Variants in PHF21B observed in about 807,000 individuals in gnomAD.
PHF21B encodes PHD finger protein 4.
In PHF21B, 22 loss-of-function variants were observed where a neutral mutation model predicts 62.2. That is an observed-to-expected ratio of 0.35 (90% confidence interval 0.25 to 0.51). The LOEUF is 0.51. PHF21B is among the 20% of genes least tolerant of loss of function. PHF21B has a pLI of 0.97. For missense variants in PHF21B, 701 were observed against 707.9 expected, an observed-to-expected ratio of 0.99 and a Z score of 0.11; for synonymous variants, 341 against 314.7, an observed-to-expected ratio of 1.08 and a Z score of -0.88.
intron 7 of PHF21B, among the ~76,000 whole-genome samples, chr22:44,892,844 G>A (rs572663657): frequency 6.5e-4 from 99 of 152,314 alleles, no homozygotes; most frequent in African/African-American, 2.4e-3. Context: ...GTTTCTCCCT[G>A]GGGACATGCT....
chr22:44,994,836 T>C (rs2073094438), intron 2 of PHF21B, among the ~76,000 whole-genome samples: 1 of 152,166 alleles, frequency 6.6e-6, no homozygotes, highest in Non-Finnish European at 1.5e-5. Flanking sequence ...GTATCCAAAT[T>C]AGTGTCATTA....
At chr22:45,007,683 CG>C in intron 2 of PHF21B, among the ~76,000 whole-genome samples, 1 of 94,644 alleles carries the variant, frequency 1.1e-5, no homozygotes, top group Non-Finnish European at 2.2e-5. Context: ...CGGGGCTGCG[CG>C]GGGAAGGGGC....
At chr22:44,971,666 C>G (rs2072641044) in intron 2 of PHF21B, among the ~76,000 whole-genome samples, 2 of 152,218 alleles carry the variant, frequency 1.3e-5, no homozygotes, top group African/African-American at 2.4e-5. Context: ...TCCCAGAAAA[C>G]TTAGCCCTCC....
chr22:44,970,507 G>A (rs2072617223), intron 2 of PHF21B, among the ~76,000 whole-genome samples: 1 of 152,146 alleles, frequency 6.6e-6, no homozygotes, highest in South Asian at 2.1e-4. Flanking sequence ...GGCTCCCCAG[G>A]GTCTCCCCTT....
intron 2 of PHF21B, among the ~76,000 whole-genome samples, chr22:44,974,987 G>C (rs980045087): frequency 6.6e-6 from 1 of 152,184 alleles, no homozygotes; most frequent in African/African-American, 2.4e-5. Context: ...ATTCAAAGCT[G>C]AAAGAATCCT....
At chr22:44,923,331 CAAA>C (rs34100382) in intron 2 of PHF21B, among the ~76,000 whole-genome samples, 14 of 125,102 alleles carry the variant, frequency 1.1e-4, no homozygotes, top group African/African-American at 1.7e-4. Context: ...CATACCATAT[CAAA>C]AAAAAAAAAA....
chr22:44,931,395 G>A (rs1016771153), intron 2 of PHF21B, among the ~76,000 whole-genome samples: 1 of 152,120 alleles, frequency 6.6e-6, no homozygotes, highest in Admixed American at 6.5e-5. Context: ...AAGCCAGGCC[G>A]GCCGAGGCAG....
At chr22:45,005,780 A>G (rs910947670) in intron 2 of PHF21B, among the ~76,000 whole-genome samples, 1 of 150,202 alleles carries the variant, frequency 6.7e-6, no homozygotes, top group African/African-American at 2.4e-5. Context: ...ACATCTCTGG[A>G]GGTGGAGATG....
chr22:44,905,584 T>C lies in PHF21B; in HGVS notation c.831+8238A>G, dbSNP rs577608973. Reference sequence around the variant, plus strand: ...CCTTGGCATGAGATCTCGCATATGTTAGAATTCTGTCGAGACTTACCTGGG... The same window carrying C: ...CCTTGGCATGAGATCTCGCATATGTCAGAATTCTGTCGAGACTTACCTGGG... On this transcript the variant is annotated intron_variant, in intron 5 of 12. Coordinates refer to ENST00000313237, the MANE Select transcript of PHF21B (RefSeq NM_138415.5). Among the ~76,000 whole-genome samples the C allele has an allele frequency of 5.9e-5, 9 of 152,334 alleles. No homozygotes were observed. In the South Asian group the frequency reaches 8.3e-4, roughly 14 times the overall value.
intron 2 of PHF21B, among the ~76,000 whole-genome samples, chr22:44,931,543 A>G (rs926739656): frequency 1.5e-4 from 23 of 150,462 alleles, no homozygotes; most frequent in African/African-American, 5.4e-4. Context: ...GTTGCAGAGC[A>G]GTTTGTTTAA....
chr22:44,891,499 G>C (rs1029300122), intron 7 of PHF21B, 139 bp from the exon 8 acceptor site: 7 of 980,302 alleles, frequency 7.1e-6, no homozygotes, highest in Non-Finnish European at 9.4e-6. Flanking sequence ...CCCCCTGCCA[G>C]GGGCAGAAAT....
At chr22:44,981,395 G>T (rs762071068) in intron 2 of PHF21B, among the ~76,000 whole-genome samples, 7 of 152,190 alleles carry the variant, frequency 4.6e-5, no homozygotes, top group African/African-American at 7.2e-5. Flanking sequence ...TCACCAAGTT[G>T]GAGTTTACTG....
intron 12 of PHF21B, among the ~76,000 whole-genome samples, chr22:44,884,739 ACT>A (rs67201172): frequency 0.3 from 45,494 of 150,344 alleles, 8,389 homozygotes; most frequent in Non-Finnish European, 0.41. Context: ...CACCACCATC[ACT>A]GTGATCAGCA....
At chr22:44,951,039 G>T (rs973540107) in intron 2 of PHF21B, among the ~76,000 whole-genome samples, 1 of 152,072 alleles carries the variant, frequency 6.6e-6, no homozygotes, top group Admixed American at 6.6e-5. Context: ...CAGACGCAGC[G>T]GTACAACTGA....
At chr22:44,962,200 T>C (rs2072437886) in intron 2 of PHF21B, among the ~76,000 whole-genome samples, 1 of 152,224 alleles carries the variant, frequency 6.6e-6, no homozygotes, top group Non-Finnish European at 1.5e-5. Flanking sequence ...CTGCCTTCCA[T>C]GGTGGCTGAA....
intron 2 of PHF21B, among the ~76,000 whole-genome samples, chr22:44,999,811 G>A (rs563938008): frequency 9.2e-5 from 14 of 152,100 alleles, no homozygotes; most frequent in African/African-American, 2.7e-4. Flanking sequence ...TCTCTGGGCC[G>A]AGCCAGTCCA....
chr22:44,925,940 C>T (rs768169387), intron 2 of PHF21B, among the ~76,000 whole-genome samples: 1 of 108,496 alleles, frequency 9.2e-6, no homozygotes, highest in African/African-American at 3.0e-5. Context: ...ACTGTGGGGG[C>T]GGGAGGCAAG....
chr22:44,989,343 G>C (rs1271606383), intron 2 of PHF21B: 2 of 152,132 alleles, frequency 1.3e-5, no homozygotes, highest in African/African-American at 2.4e-5. Context: ...GAAAACGCTG[G>C]ATTTTATTTG....
chr22:44,887,999 G>A lies in PHF21B; in HGVS notation c.1161C>T (p.Pro387=). The A allele has an allele frequency of 6.4e-7, 1 of 1,570,972 alleles. No individual in the cohort carries two copies. Among genetic ancestry groups the A allele is most frequent in the Non-Finnish European group, 8.6e-7 (1 of 1,159,216 alleles). The part of the protein sequence containing the change: ...SCLEPPLKTA[P]KGVWVCPRCQ... ...ACCTGGGGCACACCCACACGCCCTTGGGCGCCGTCTTGAGGGGCGGCTCCA... is the reference window on the plus strand; with the variant it reads ...ACCTGGGGCACACCCACACGCCCTTAGGCGCCGTCTTGAGGGGCGGCTCCA... The change falls in exon 10 of 13, where the codon CCC becomes CCT. Residue 387 remains proline, a synonymous_variant. Coordinates refer to ENST00000313237, the MANE Select transcript of PHF21B (RefSeq NM_138415.5).
Sources: allele counts gnomAD v4.1 joint callset (sites outside exome capture counted in the v4.1 genomes callset), GRCh38; gene constraint gnomAD v4.1.1; transcripts MANE v1.5; gene names NCBI Gene and HGNC (gene_info 2026-07-23, HGNC 2026-07-21).